Variants in OR4M1 observed in about 807,000 individuals in gnomAD.
The protein encoded by OR4M1 is olfactory receptor family 4 subfamily M member 1.
A neutral mutation model predicts 9.8 loss-of-function variants in OR4M1; 7 were observed. The ratio of observed to expected loss-of-function variants is 0.71; its 90% CI spans 0.41 to 1.34. The LOEUF (loss-of-function observed/expected upper bound fraction) is 1.34. Ranked by LOEUF, OR4M1 falls within the 40% of genes most tolerant of loss-of-function variation. The probability of loss-of-function intolerance (pLI) is 0.01; values close to 1 mark genes in which losing one functional copy is unlikely to be tolerated. For synonymous variants in OR4M1, 121 were observed against 139.8 expected, an observed-to-expected ratio of 0.87 and a Z score of 0.95; for missense variants, 331 against 380.4, an observed-to-expected ratio of 0.87 and a Z score of 1.08.
At chr14:19,777,104 C>A (rs556932472) in intron 1 of OR4M1, among the ~76,000 whole-genome samples, 2 of 142,524 alleles carry the variant, frequency 1.4e-5, no homozygotes, top group South Asian at 4.4e-4. Flanking sequence ...CACATAGCAG[C>A]CAGGGTGATA....
At position 19,781,269 on chromosome 14, in the gene OR4M1, T is replaced by C; in HGVS notation, c.*5T>C. On this transcript the variant is annotated 3_prime_UTR_variant, in exon 2 of 2. Coordinates refer to ENST00000641200, the MANE Select transcript of OR4M1 (RefSeq NM_001005500.2). ...ATTTTGTGTGAAGAGAAGTGAAAGA[T>C]AAATTATACATTTTATAGTCCTCCT... 1.3e-6 allele frequency: 2 copies of C among 1,593,314 alleles called. No individual in the cohort carries two copies. The highest frequency in any genetic ancestry group is 1.7e-6 in the Non-Finnish European group (2 of 1,166,398).
At position 19,780,315 on chromosome 14, in the gene OR4M1, T is replaced by C. The variant is rs1878431931; in HGVS notation, c.-8T>C. On this transcript the variant is annotated 5_prime_UTR_variant, in exon 2 of 2. Coordinates refer to ENST00000641200, the MANE Select transcript of OR4M1 (RefSeq NM_001005500.2). Reference sequence around the variant, plus strand: ...ATAGTTATATTATGAAAAGAGTAAATTGAAGAAATGGAAACTGCAAATTAC... The same window carrying C: ...ATAGTTATATTATGAAAAGAGTAAACTGAAGAAATGGAAACTGCAAATTAC... 14 of 1,597,696 alleles carry C rather than the reference T, an allele frequency of 8.8e-6. No individual in the cohort carries two copies. The highest frequency in any genetic ancestry group is 1.2e-5 in the Non-Finnish European group (14 of 1,173,800).
At position 19,780,628 on chromosome 14, in the gene OR4M1, C is replaced by A. The variant is rs774211901; in HGVS notation, c.306C>A (p.Phe102Leu). Reference protein sequence around the residue: ...ISFGGCIAQLFFLHFVGASEM... With the variant: ...ISFGGCIAQLLFLHFVGASEM... ...TTGGTGGATGCATTGCACAGCTCTT[C>A]TTCTTACACTTTGTTGGGGCTTCGG... The change falls in exon 2 of 2, where the codon TTC becomes TTA. Residue 102 changes from phenylalanine (F) to leucine (L), a missense_variant. Phe to Leu is a conservative substitution (Grantham distance 22, BLOSUM62 0). Transcript: ENST00000641200. 2.0e-5 allele frequency: 32 copies of A among 1,614,222 alleles called. No homozygotes were observed. Among genetic ancestry groups the A allele is most frequent in the Non-Finnish European group, 2.5e-5 (29 of 1,180,034 alleles).
chr14:19,779,909 G>A (rs924151127), intron 1 of OR4M1, among the ~76,000 whole-genome samples: 1 of 152,220 alleles, frequency 6.6e-6, no homozygotes, highest in Non-Finnish European at 1.5e-5. Context: ...CAAAAAATAA[G>A]ATCTAGAAAA....
rs140357775 is a variant in OR4M1, at chr14:19,780,594, T to A, written c.272T>A (p.Ile91Lys). 96 of 1,614,118 alleles carry A rather than the reference T, an allele frequency of 5.9e-5. No homozygotes were observed. The highest frequency in any genetic ancestry group is 7.8e-5 in the Non-Finnish European group (92 of 1,180,032). Residue 91 changes from isoleucine to lysine, a missense_variant, in exon 2 of 2, where the codon ATA becomes AAA. This residue lies in a region of OR4M1 where 209 missense variants were observed against 200.0 expected (regional missense o/e 1.04). Transcript: ENST00000641200. ...MLIDFFVERK[I>K]ISFGGCIAQL... Reference sequence around the variant, plus strand: ...ATAGACTTCTTTGTGGAGAGGAAGATAATTTCCTTTGGTGGATGCATTGCA... The same window carrying A: ...ATAGACTTCTTTGTGGAGAGGAAGAAAATTTCCTTTGGTGGATGCATTGCA...
At chr14:19,780,115 C>T in intron 1 of OR4M1, 179 bp from the exon 2 acceptor site, 1 of 588,326 alleles carries the variant, frequency 1.7e-6, no homozygotes, top group Non-Finnish European at 2.8e-6. Context: ...TTTAGTGTTC[C>T]CAATTTATAA....
At chr14:19,775,551 T>C (rs1878285955) in intron 1 of OR4M1, among the ~76,000 whole-genome samples, 1 of 147,338 alleles carries the variant, frequency 6.8e-6, no homozygotes, top group Non-Finnish European at 1.5e-5. Context: ...TATAATATAA[T>C]ATATATTATA....
At chr14:19,774,663 C>T (rs1878257812) in intron 1 of OR4M1, among the ~76,000 whole-genome samples, 1 of 152,196 alleles carries the variant, frequency 6.6e-6, no homozygotes, top group South Asian at 2.1e-4. Context: ...AGAAAACAAG[C>T]TTCTGAGAAT....
chr14:19,779,323 C>T (rs1455857245), intron 1 of OR4M1, among the ~76,000 whole-genome samples: 1 of 152,130 alleles, frequency 6.6e-6, no homozygotes, highest in Non-Finnish European at 1.5e-5. Context: ...AGAAAAGAAA[C>T]AACTCTCTTG....
intron 1 of OR4M1, among the ~76,000 whole-genome samples, chr14:19,778,576 C>A (rs1260163219): frequency 1.3e-5 from 2 of 152,194 alleles, no homozygotes; most frequent in Admixed American, 1.3e-4. Flanking sequence ...ATTTCAGATG[C>A]TTTTGGTAGA....
chr14:19,777,768 G>A (rs1029814981), intron 1 of OR4M1, among the ~76,000 whole-genome samples: 1 of 152,214 alleles, frequency 6.6e-6, no homozygotes. Context: ...AATGACAAGT[G>A]CTGGACAGAA....
chr14:19,776,118 G>A (rs553971149), intron 1 of OR4M1, among the ~76,000 whole-genome samples: 72 of 152,200 alleles, frequency 4.7e-4, no homozygotes, highest in Non-Finnish European at 5.3e-4. Flanking sequence ...AAATTAATTC[G>A]CATTATTTCT....
chr14:19,779,229 A>G (rs1878394800), intron 1 of OR4M1, among the ~76,000 whole-genome samples: 1 of 152,230 alleles, frequency 6.6e-6, no homozygotes, highest in Admixed American at 6.6e-5. Flanking sequence ...TTGGTTTTAC[A>G]GAACCTTAAC....
chr14:19,781,028 A>G lies in OR4M1; in HGVS notation c.706A>G (p.Asn236Asp). ...ACATTCAGGCTCAGGTGAGAATACC[A>G]ACAGGGCCATGTCCACCTGCTATTC... The part of the protein sequence containing the change: ...KKHSGSGENT[N>D]RAMSTCYSHI... Residue 236 changes from asparagine to aspartate, a missense_variant, in exon 2 of 2, where the codon AAC (asparagine) becomes GAC (aspartate). Coordinates refer to ENST00000641200, the MANE Select transcript of OR4M1 (RefSeq NM_001005500.2). 6.2e-7 allele frequency: 1 copy of G among 1,614,232 alleles called. No individual in the cohort carries two copies. The highest frequency in any genetic ancestry group is 8.5e-7 in the Non-Finnish European group (1 of 1,180,032).
chr14:19,780,487 G>T lies in OR4M1; in HGVS notation c.165G>T (p.Leu55=). The T allele has an allele frequency of 6.2e-7, 1 of 1,614,208 alleles. No individual in the cohort carries two copies. Among genetic ancestry groups the T allele is most frequent in the Non-Finnish European group, 8.5e-7 (1 of 1,180,012 alleles). ...GCACCATCAGGCTAGACCCTCATCT[G>T]ACTTCTCCTATGTATTTCCTGTTGG... ...IICTIRLDPH[L]TSPMYFLLAN... The change falls in exon 2 of 2, where the codon CTG becomes CTT. Residue 55 remains leucine, a synonymous_variant. Coordinates refer to ENST00000641200, the MANE Select transcript of OR4M1 (RefSeq NM_001005500.2).
rs1408122716 is a variant in OR4M1, at chr14:19,781,872, A to T, written c.*608A>T. The T allele has an allele frequency of 6.5e-6, 1 of 152,772 alleles. No homozygotes were observed. Among genetic ancestry groups the T allele is most frequent in the African/African-American group, 2.4e-5 (1 of 41,470 alleles). The allele number at this position is 152,772 out of a possible 1,614,324, so 9.5% of individuals were successfully genotyped here. ...TCAACAGTTGGAGACAGAACTCAAA[A>T]TTTTATCACATTATGAAAACAAATT... On this transcript the variant is annotated 3_prime_UTR_variant, in exon 2 of 2. Coordinates refer to ENST00000641200, the MANE Select transcript of OR4M1 (RefSeq NM_001005500.2).
In OR4M1 at chr14:19,783,681, C is replaced by T. The variant is rs1566453866; in HGVS notation, c.*2417C>T. 6.6e-6 allele frequency: 1 copy of T among 152,240 alleles called. No homozygotes were observed. The highest frequency in any genetic ancestry group is 2.4e-5 in the African/African-American group (1 of 41,446). The allele number at this position is 152,240 out of a possible 1,614,324, so 9.4% of individuals were successfully genotyped here. The stretch of plus-strand genomic sequence containing the variant: ...TTAATCTCTTTTTTTCTTTCAGTCT[C>T]TCCTAGTCCTCCTTCTTTCAAAACT... On this transcript the variant is annotated 3_prime_UTR_variant, in exon 2 of 2. Transcript: ENST00000641200.
chr14:19,780,691 T>C lies in OR4M1; in HGVS notation c.369T>C (p.Tyr123=), dbSNP rs561318408. ...TCACAGTGATGGCCTATGACCGCTA[T>C]GCTGCTATCTGCCGACCCCTCCACT... ...FLLTVMAYDR[Y]AAICRPLHYA... The change falls in exon 2 of 2, where the codon TAT becomes TAC. Residue 123 remains tyrosine (Y), a synonymous_variant. Transcript: ENST00000641200. 1 of 1,614,250 alleles carries C rather than the reference T, an allele frequency of 6.2e-7. No individual in the cohort carries two copies. Among genetic ancestry groups the C allele is most frequent in the South Asian group, 1.1e-5 (1 of 91,090 alleles).
At chr14:19,775,442 T>C (rs1878280765) in intron 1 of OR4M1, among the ~76,000 whole-genome samples, 1 of 151,754 alleles carries the variant, frequency 6.6e-6, no homozygotes, top group South Asian at 2.1e-4. Flanking sequence ...GAAATAAAGG[T>C]CCTCCTTTCC....
Sources: gnomAD v4.1 joint callset for allele counts (sites outside exome capture counted in the v4.1 genomes callset) on GRCh38, gnomAD v4.1.1 for gene constraint, gnomAD v4.1.1 regional missense constraint, MANE v1.5 for transcripts, NCBI Gene and HGNC (gene_info 2026-07-23, HGNC 2026-07-21) for gene names.